The following ROBO2 variants were observed in gnomAD, a reference collection of about 807,000 sequenced individuals.
The protein encoded by ROBO2 is roundabout guidance receptor 2.
A neutral mutation model predicts 160.8 loss-of-function variants in ROBO2; 53 were observed. The ratio of observed to expected loss-of-function variants is 0.33; its 90% confidence interval spans 0.26 to 0.41. The LOEUF is 0.41. ROBO2 is among the 10% of genes least tolerant of loss of function. The pLI is 1.00. For missense variants in ROBO2, 1,577 were observed against 1,722.4 expected, an observed-to-expected ratio of 0.92 and a Z score of 1.49; for synonymous variants, 664 against 611.7, an observed-to-expected ratio of 1.09 and a Z score of -1.26.
intron 2 of ROBO2, among the ~76,000 whole-genome samples, chr3:76,587,528 T>G (rs2086125270): frequency 6.6e-6 from 1 of 151,920 alleles, no homozygotes; most frequent in Admixed American, 6.6e-5. Context: ...AAGGGGGAAG[T>G]CCCTTATAAA....
intron 2 of ROBO2, among the ~76,000 whole-genome samples, chr3:76,842,971 A>T (rs1576994698): frequency 1.3e-5 from 2 of 152,158 alleles, no homozygotes; most frequent in African/African-American, 4.8e-5. Flanking sequence ...TCATTTTCAA[A>T]TCTGATACTC....
At chr3:76,082,328 AT>A (rs916425771) in intron 2 of ROBO2, among the ~76,000 whole-genome samples, 3 of 151,754 alleles carry the variant, frequency 2.0e-5, no homozygotes, top group Admixed American at 1.3e-4. Flanking sequence ...TTCCTTTTAG[AT>A]TTTTTTTTAA....
At chr3:77,446,592 T>C (rs1207615168) in intron 2 of ROBO2, among the ~76,000 whole-genome samples, 1 of 152,060 alleles carries the variant, frequency 6.6e-6, no homozygotes, top group East Asian at 1.9e-4. Context: ...TTTATATCTG[T>C]AAAAATAGAC....
chr3:76,157,052 T>G (rs1396108188), intron 2 of ROBO2, among the ~76,000 whole-genome samples: 1 of 152,128 alleles, frequency 6.6e-6, no homozygotes. Context: ...ATATACAAAA[T>G]TCTTATTTAT....
intron 2 of ROBO2, among the ~76,000 whole-genome samples, chr3:77,369,460 C>T (rs1427058635): frequency 1.3e-5 from 2 of 152,100 alleles, no homozygotes; most frequent in Admixed American, 6.6e-5. Flanking sequence ...GGAAACCAAG[C>T]GATAATCTTG....
rs563349062 is a variant in ROBO2 at position 76,408,675 on chromosome 3, G to T, written c.109+471073G>T. 5.1e-4 allele frequency among the ~76,000 whole-genome samples: 78 copies of T among 152,138 alleles called. No individual in the cohort carries two copies. The South Asian group carries it at 0.016, about 31-fold the overall frequency. Reference sequence around the variant, plus strand: ...TTATCACTGATTAATTAGAGAAAGGGCTGTGATAAAACAGTATGGCAGAGA... The same window carrying T: ...TTATCACTGATTAATTAGAGAAAGGTCTGTGATAAAACAGTATGGCAGAGA... On this transcript the variant is annotated intron_variant, in intron 2 of 26. Transcript: ENST00000487694.
At chr3:76,666,020 A>G (rs2092028638) in intron 2 of ROBO2, among the ~76,000 whole-genome samples, 1 of 122,686 alleles carries the variant, frequency 8.2e-6, no homozygotes, top group Admixed American at 8.3e-5. Context: ...TACATATTAT[A>G]TATTATATAT....
rs568013611 is a variant in ROBO2 at position 77,088,199 on chromosome 3, C to T, written c.62-9815C>T. Among the ~76,000 whole-genome samples, 44 of 152,218 alleles carry T rather than the reference C, an allele frequency of 2.9e-4. No homozygotes were observed. In the South Asian group the frequency reaches 7.3e-3, roughly 25 times the overall value. ...CTAATTTTCATATTTTTAGCAATTT[C>T]TGTTAATGGTAGATAAGTAAAGACC... is the stretch of plus-strand genomic sequence containing the variant. On this transcript the variant is annotated intron_variant, in intron 1 of 25. Transcript: ENST00000461745.
intron 2 of ROBO2, among the ~76,000 whole-genome samples, chr3:76,242,999 A>T (rs532102051): frequency 1.3e-5 from 2 of 152,288 alleles, no homozygotes; most frequent in Admixed American, 6.5e-5. Context: ...TGCATGGACG[A>T]TTCCCCCGCT....
chr3:77,487,190 G>A (rs1219778856), intron 4 of ROBO2, among the ~76,000 whole-genome samples: 1 of 152,106 alleles, frequency 6.6e-6, no homozygotes, highest in Non-Finnish European at 1.5e-5. Context: ...TTAGTAGCAT[G>A]TGGTATAAGA....
chr3:77,085,259 CTTAT>C (rs950154045), intron 1 of ROBO2, among the ~76,000 whole-genome samples: 6 of 152,030 alleles, frequency 3.9e-5, no homozygotes, highest in Non-Finnish European at 8.8e-5. Context: ...TAAATTTATA[CTTAT>C]TTATTATTTT....
intron 1 of ROBO2, among the ~76,000 whole-genome samples, chr3:77,090,802 G>A (rs2150018220): frequency 6.6e-6 from 1 of 152,246 alleles, no homozygotes; most frequent in Non-Finnish European, 1.5e-5. Flanking sequence ...TTTTCGTGTA[G>A]TGCTACTGTA....
At chr3:76,097,277 A>G (rs755841456) in intron 2 of ROBO2, among the ~76,000 whole-genome samples, 7 of 152,148 alleles carry the variant, frequency 4.6e-5, no homozygotes, top group Non-Finnish European at 8.8e-5. Context: ...ATTTGTCAGG[A>G]TGGCCCCAAC....
chr3:77,143,612 T>G (rs75844835), intron 2 of ROBO2, among the ~76,000 whole-genome samples: 3,293 of 152,316 alleles, frequency 0.022, 171 homozygotes, highest in East Asian at 0.21. Context: ...TATAAAATCA[T>G]AGTGCCTCTT....
intron 2 of ROBO2, among the ~76,000 whole-genome samples, chr3:76,834,757 G>A (rs1254097938): frequency 1.3e-5 from 2 of 151,950 alleles, no homozygotes; most frequent in African/African-American, 4.8e-5. Context: ...TTAAGTTCTG[G>A]GATTACAGAA....
At chr3:76,603,495 A>C (rs2108987204) in intron 2 of ROBO2, among the ~76,000 whole-genome samples, 1 of 151,312 alleles carries the variant, frequency 6.6e-6, no homozygotes, top group Admixed American at 6.6e-5. Flanking sequence ...AAGTCCTATT[A>C]AATTTCCAAA....
intron 2 of ROBO2, among the ~76,000 whole-genome samples, chr3:76,958,551 C>T (rs2079440963): frequency 6.6e-6 from 1 of 152,164 alleles, no homozygotes. Context: ...CTTGTGAATT[C>T]CCAACATCTC....
chr3:76,997,319 T>C (rs1363964404), intron 2 of ROBO2, among the ~76,000 whole-genome samples: 1 of 152,192 alleles, frequency 6.6e-6, no homozygotes, highest in African/African-American at 2.4e-5. Context: ...ATGGATAATG[T>C]TATACCTTAC....
intron 2 of ROBO2, among the ~76,000 whole-genome samples, chr3:76,580,342 G>GTTTTTTTTTTGTTTTTTTTTTTGT (rs2085604163): frequency 2.2e-5 from 2 of 90,562 alleles, no homozygotes; most frequent in African/African-American, 4.4e-5. Context: ...TTTTTTTTGT[G>GTTTTTTTTTTGTTTTTTTTTTTGT]TTTTTTTTTT....
Sources: gnomAD v4.1 joint callset for allele counts (sites outside exome capture counted in the v4.1 genomes callset) on GRCh38, gnomAD v4.1.1 for gene constraint, MANE v1.5 for transcripts, NCBI Gene and HGNC (gene_info 2026-07-23, HGNC 2026-07-21) for gene names.